Variants in SNUPN observed in about 807,000 individuals in gnomAD.
SNUPN encodes snurportin 1.
A neutral mutation model predicts 39.2 loss-of-function variants in SNUPN; 31 were observed. That is an observed-to-expected ratio of 0.79 (90% confidence interval 0.59 to 1.07). The LOEUF is 1.07. Ranked by LOEUF, SNUPN falls within the 50% of genes least tolerant of loss-of-function variation. SNUPN has a pLI of 0.00. For synonymous variants in SNUPN, 132 were observed against 159.0 expected, an observed-to-expected ratio of 0.83 and a Z score of 1.28; for missense variants, 382 against 434.2, an observed-to-expected ratio of 0.88 and a Z score of 1.07.
At chr15:75,605,485 G>T (rs1358109337) in intron 6 of SNUPN, 2 of 311,374 alleles carry the variant, frequency 6.4e-6, no homozygotes, top group Non-Finnish European at 1.2e-5. Flanking sequence ...ATTTTTGGTA[G>T]AGACAGGGTT....
chr15:75,616,503 T>G (rs1033230776), intron 3 of SNUPN, among the ~76,000 whole-genome samples: 33 of 151,906 alleles, frequency 2.2e-4, no homozygotes, highest in African/African-American at 7.7e-4. Context: ...GTTAGCCAGG[T>G]TGGTCTTGAA....
At chr15:75,598,749 C>T (rs1473772189) in intron 8 of SNUPN, 68 bp from the exon 9 acceptor site, 2 of 1,248,728 alleles carry the variant, frequency 1.6e-6, no homozygotes, top group Non-Finnish European at 2.2e-6. Context: ...AGAGCCTATA[C>T]ACACAAGGGC....
chr15:75,601,246 A>C, intron 7 of SNUPN, 28 bp from the exon 8 acceptor site: 1 of 1,474,584 alleles, frequency 6.8e-7, no homozygotes, highest in South Asian at 1.1e-5. Flanking sequence ...ACAAGGAATT[A>C]GTACGTTATA....
In SNUPN at chr15:75,621,490, G is replaced by A. The variant is rs146892061; in HGVS notation, c.-5-434C>T. Among the ~76,000 whole-genome samples the A allele has an allele frequency of 1.7e-3, 263 of 152,100 alleles. 2 individuals carry two copies. The highest frequency in any genetic ancestry group is 3.0e-3 in the Non-Finnish European group (204 of 67,998). The stretch of plus-strand genomic sequence containing the variant: ...TTGCCTAGGCTAGTCTTGAACTCTT[G>A]GGCTCAAGCAATCTTCCCTCCTCAG... On this transcript the variant is annotated intron_variant, in intron 1 of 8. Coordinates refer to ENST00000308588, the MANE Select transcript of SNUPN (RefSeq NM_005701.4).
chr15:75,619,482 A>C (rs1893016161), intron 2 of SNUPN, among the ~76,000 whole-genome samples: 1 of 151,978 alleles, frequency 6.6e-6, no homozygotes, highest in African/African-American at 2.4e-5. Context: ...TTCCTACAAA[A>C]TATAAAAAAA....
chr15:75,603,339 A>G (rs2075305542), intron 7 of SNUPN, among the ~76,000 whole-genome samples: 1 of 146,360 alleles, frequency 6.8e-6, no homozygotes, highest in African/African-American at 2.5e-5. Flanking sequence ...GAGCTACCGC[A>G]CTCGGCCTGG....
At chr15:75,615,122 A>C (rs532152700) in intron 3 of SNUPN, among the ~76,000 whole-genome samples, 2 of 151,986 alleles carry the variant, frequency 1.3e-5, no homozygotes, top group South Asian at 4.2e-4. Context: ...TTTATTTTTT[A>C]TTTTTTATAG....
chr15:75,620,821 A>G, intron 2 of SNUPN, 73 bp downstream of exon 2: 1 of 1,344,142 alleles, frequency 7.4e-7, no homozygotes, highest in East Asian at 2.3e-5. Flanking sequence ...CTGTAGAGAC[A>G]AGCCTAGAGC....
At chr15:75,624,401 G>C (rs1315820463) in intron 1 of SNUPN, among the ~76,000 whole-genome samples, 1 of 148,602 alleles carries the variant, frequency 6.7e-6, no homozygotes, top group African/African-American at 2.5e-5. Flanking sequence ...GCTCACGCCT[G>C]TAATCCCAGC....
intron 5 of SNUPN, among the ~76,000 whole-genome samples, chr15:75,607,943 T>C (rs1220268098): frequency 1.3e-5 from 2 of 152,128 alleles, no homozygotes; most frequent in Non-Finnish European, 2.9e-5. Context: ...TGATGTGGCA[T>C]GAGCAAAGCC....
intron 7 of SNUPN, among the ~76,000 whole-genome samples, 185 bp from the exon 8 acceptor site, chr15:75,601,403 C>T (rs753570190): frequency 6.6e-6 from 1 of 151,968 alleles, no homozygotes. Context: ...GGTGAAACCC[C>T]GTCTGTACTA....
At chr15:75,611,048 A>C (rs1892765338) in intron 3 of SNUPN, among the ~76,000 whole-genome samples, 1 of 151,674 alleles carries the variant, frequency 6.6e-6, no homozygotes, top group African/African-American at 2.4e-5. Context: ...GGCACCTATA[A>C]TCCCAGCTAC....
At chr15:75,599,829 T>C (rs1053091832) in intron 8 of SNUPN, among the ~76,000 whole-genome samples, 3 of 150,590 alleles carry the variant, frequency 2.0e-5, no homozygotes, top group Non-Finnish European at 4.4e-5. Context: ...TTGCAGTGAC[T>C]GGGCAGATTT....
At chr15:75,599,836 A>ATTTTTTTTTTTTTT (rs60918008) in intron 8 of SNUPN, among the ~76,000 whole-genome samples, 3 of 140,516 alleles carry the variant, frequency 2.1e-5, no homozygotes, top group Non-Finnish European at 1.5e-5. Flanking sequence ...GACTGGGCAG[A>ATTTTTTTTTTTTTT]TTTTTTTTTT....
intron 2 of SNUPN, among the ~76,000 whole-genome samples, chr15:75,619,236 G>A (rs1011510595): frequency 6.6e-6 from 1 of 151,100 alleles, no homozygotes; most frequent in Non-Finnish European, 1.5e-5. Context: ...AGGGGCTGAG[G>A]TTGCAGTGAG....
intron 3 of SNUPN, among the ~76,000 whole-genome samples, chr15:75,616,414 T>C (rs762946486): frequency 1.3e-5 from 2 of 151,450 alleles, no homozygotes; most frequent in Non-Finnish European, 2.9e-5. Context: ...GCCACGATCG[T>C]ACCACTGCAC....
At chr15:75,620,138 G>A (rs1043783417) in intron 2 of SNUPN, among the ~76,000 whole-genome samples, 7 of 152,162 alleles carry the variant, frequency 4.6e-5, no homozygotes, top group African/African-American at 1.7e-4. Flanking sequence ...GGAATGATCT[G>A]GGAATGTATT....
At chr15:75,613,258 C>CAAAAA (rs905447706) in intron 3 of SNUPN, among the ~76,000 whole-genome samples, 3 of 40,620 alleles carry the variant, frequency 7.4e-5, no homozygotes, top group African/African-American at 1.4e-4. Flanking sequence ...GACTCCATCT[C>CAAAAA]AAAAAAAAAA....
chr15:75,610,712 A>G (rs559061233), intron 3 of SNUPN, among the ~76,000 whole-genome samples: 1 of 152,276 alleles, frequency 6.6e-6, no homozygotes. Flanking sequence ...CTTAGACTAG[A>G]CCAGCATTTC....
Sources: gnomAD v4.1 joint callset for allele counts (sites outside exome capture counted in the v4.1 genomes callset) on GRCh38, gnomAD v4.1.1 for gene constraint, MANE v1.5 for transcripts, NCBI Gene and HGNC (gene_info 2026-07-23, HGNC 2026-07-21) for gene names.